Variants in VPS13B observed in about 807,000 individuals in gnomAD.
The protein encoded by VPS13B is vacuolar protein sorting 13 homolog B, also known as intermembrane lipid transfer protein VPS13B.
Under a neutral mutation model 426.4 loss-of-function variants are expected in VPS13B, and 285 were observed. That is an observed-to-expected ratio of 0.67 (90% CI 0.61 to 0.74). The LOEUF (loss-of-function observed/expected upper bound fraction) is 0.74, where lower values mean the gene tolerates loss of function less well. Among genes scored for constraint, VPS13B ranks in the 30% least tolerant of loss-of-function variants. The pLI, the probability that VPS13B is intolerant of heterozygous loss-of-function variation, is 0.00. For missense variants in VPS13B, 4,537 were observed against 4,782.6 expected, an observed-to-expected ratio of 0.95 and a Z score of 1.51; for synonymous variants, 1,676 against 1,676.4, an observed-to-expected ratio of 1.00 and a Z score of 0.01.
At position 99,153,470 on chromosome 8, in the gene VPS13B, T is replaced by C. The variant is rs547611558; in HGVS notation, c.2014-3079T>C. On this transcript the variant is annotated intron_variant, in intron 14 of 61. Transcript: ENST00000357162. ...CTCTCCTCTATTAACCTACCTGTTA[T>C]ACTTCTTTTTAGTGTTTGTCCTAGA... Among the ~76,000 whole-genome samples, 4 of 152,302 alleles carry C rather than the reference T, an allele frequency of 2.6e-5. No homozygotes were observed. In the East Asian group the frequency reaches 7.7e-4, roughly 29 times the overall value.
chr8:99,817,102 C>G (rs1306598402), intron 44 of VPS13B, among the ~76,000 whole-genome samples: 4 of 151,626 alleles, frequency 2.6e-5, no homozygotes, highest in East Asian at 3.9e-4. Context: ...CACCTCTGTT[C>G]TCCTTCATCC....
intron 41 of VPS13B, 119 bp downstream of exon 41, chr8:99,777,075 G>A: frequency 1.5e-6 from 2 of 1,303,718 alleles, no homozygotes; most frequent in East Asian, 2.3e-5. Context: ...TATAAAGCGA[G>A]CAGTGGCAAA....
chr8:99,730,273 A>G lies in VPS13B; in HGVS notation c.7050+9226A>G, dbSNP rs191906681. On this transcript the variant is annotated intron_variant, in intron 39 of 61. Transcript: ENST00000357162. ...GTTGAAATGCAGAAAGGAAAATAAA[A>G]AGGCCTGGGGGCTTTGGGGAAGTAG... Among the ~76,000 whole-genome samples, 12 of 152,320 alleles carry G rather than the reference A, an allele frequency of 7.9e-5. No homozygotes were observed. In the East Asian group the frequency reaches 2.1e-3, roughly 27 times the overall value.
In VPS13B at chr8:99,575,650, T is replaced by C; in HGVS notation, c.4950-8T>C. 6.2e-7 allele frequency: 1 copy of C among 1,613,820 alleles called. No individual in the cohort carries two copies. On this transcript the variant is annotated splice_polypyrimidine_tract_variant and splice_region_variant and intron_variant, in intron 31 of 61. Coordinates refer to ENST00000357162, the MANE Select transcript of VPS13B (RefSeq NM_152564.5). ...AAATGGCTAATAATCTTTTACTCTA[T>C]CTTTTAGCATACGGCGGCATCAAGA...
In VPS13B at chr8:99,253,154, G is replaced by C. The variant is rs145783985; in HGVS notation, c.2516-21044G>C. On this transcript the variant is annotated intron_variant, in intron 17 of 61. Coordinates refer to ENST00000357162, the MANE Select transcript of VPS13B (RefSeq NM_152564.5). ...TTTTTCAAAGTTTATTCTTGTTGTAGTATGTTTCAGTACTTCATTTCTTTT... is the reference window on the plus strand; with the variant it reads ...TTTTTCAAAGTTTATTCTTGTTGTACTATGTTTCAGTACTTCATTTCTTTT... 6.1e-3 allele frequency among the ~76,000 whole-genome samples: 932 copies of C among 152,094 alleles called. 8 individuals carry two copies. The highest frequency in any genetic ancestry group is 0.019 in the African/African-American group (799 of 41,494).
At chr8:99,285,331 C>A (rs1819373164) in intron 19 of VPS13B, among the ~76,000 whole-genome samples, 1 of 152,102 alleles carries the variant, frequency 6.6e-6, no homozygotes, top group Non-Finnish European at 1.5e-5. Context: ...ATCCCTTGAG[C>A]CTTAAGGGTA....
chr8:99,162,647 T>C (rs556476756), intron 15 of VPS13B, among the ~76,000 whole-genome samples: 1 of 152,236 alleles, frequency 6.6e-6, no homozygotes, highest in African/African-American at 2.4e-5. Context: ...CGTCTGGAGT[T>C]GTTCGTTCCT....
chr8:99,747,797 GT>G (rs938801015), intron 39 of VPS13B, among the ~76,000 whole-genome samples: 1 of 151,666 alleles, frequency 6.6e-6, no homozygotes, highest in Admixed American at 6.6e-5. Flanking sequence ...TCTTTCTGAG[GT>G]TTTTTGTTTT....
At chr8:99,456,798 G>A (rs1563740120) in intron 23 of VPS13B, among the ~76,000 whole-genome samples, 2 of 152,102 alleles carry the variant, frequency 1.3e-5, no homozygotes, top group Non-Finnish European at 2.9e-5. Context: ...TCAAGTTAAT[G>A]CTAGCCTCAA....
At position 99,365,302 on chromosome 8, in the gene VPS13B, C is replaced by G. The variant is rs1812798955; in HGVS notation, c.2825-18906C>G. ...TCTGATCTTTATTATTTCTTTTATTCTACTGATTTCAGATTTGCTTGCTCT... is the reference window on the plus strand; with the variant it reads ...TCTGATCTTTATTATTTCTTTTATTGTACTGATTTCAGATTTGCTTGCTCT... On this transcript the variant is annotated intron_variant, in intron 19 of 61. Coordinates refer to ENST00000357162, the MANE Select transcript of VPS13B (RefSeq NM_152564.5). 2.0e-5 allele frequency among the ~76,000 whole-genome samples: 3 copies of G among 150,564 alleles called. No homozygotes were observed. In the South Asian group the frequency reaches 6.3e-4, roughly 31 times the overall value.
intron 39 of VPS13B, among the ~76,000 whole-genome samples, chr8:99,758,032 T>G (rs898221630): frequency 6.6e-6 from 1 of 152,226 alleles, no homozygotes; most frequent in Non-Finnish European, 1.5e-5. Context: ...ACTCTTGGAA[T>G]AGTCATCTTT....
intron 17 of VPS13B, among the ~76,000 whole-genome samples, chr8:99,244,690 CTAAGAG>C (rs774226339): frequency 6.6e-6 from 1 of 152,152 alleles, no homozygotes; most frequent in Non-Finnish European, 1.5e-5. Flanking sequence ...TATAATAACA[CTAAGAG>C]TATTCATCAT....
chr8:99,640,090 A>C (rs1053089581), intron 33 of VPS13B, among the ~76,000 whole-genome samples: 1 of 149,690 alleles, frequency 6.7e-6, no homozygotes, highest in African/African-American at 2.4e-5. Flanking sequence ...AGAAAAGAAA[A>C]GAAAAGAAAA....
chr8:99,349,865 G>A (rs903742035), intron 19 of VPS13B, among the ~76,000 whole-genome samples: 1 of 152,038 alleles, frequency 6.6e-6, no homozygotes, highest in South Asian at 2.1e-4. Flanking sequence ...TAAGTCACTT[G>A]TTTTCGGTGG....
intron 33 of VPS13B, among the ~76,000 whole-genome samples, chr8:99,588,107 G>C (rs1050999745): frequency 4.0e-5 from 6 of 151,812 alleles, no homozygotes; most frequent in Admixed American, 1.3e-4. Flanking sequence ...GTTTTTGTCA[G>C]GTTTGTCAAA....
intron 19 of VPS13B, among the ~76,000 whole-genome samples, chr8:99,340,089 T>C (rs1314684012): frequency 1.3e-5 from 2 of 152,184 alleles, no homozygotes; most frequent in Non-Finnish European, 1.5e-5. Flanking sequence ...AAGTATCTTG[T>C]CAGAGCACTT....
chr8:99,206,732 T>G (rs1814746202), intron 17 of VPS13B, among the ~76,000 whole-genome samples: 1 of 152,170 alleles, frequency 6.6e-6, no homozygotes, highest in African/African-American at 2.4e-5. Context: ...TCTTCCCAGG[T>G]GTGCATATAA....
At chr8:99,272,213 AG>A (rs1253307221) in intron 17 of VPS13B, among the ~76,000 whole-genome samples, 1 of 152,188 alleles carries the variant, frequency 6.6e-6, no homozygotes, top group Non-Finnish European at 1.5e-5. Context: ...ATTTAACCAA[AG>A]TGTGGAAAGG....
chr8:99,342,495 G>A (rs1193483454), intron 19 of VPS13B, among the ~76,000 whole-genome samples: 1 of 151,708 alleles, frequency 6.6e-6, no homozygotes, highest in Non-Finnish European at 1.5e-5. Flanking sequence ...ATCATATGGT[G>A]TATCTTTCTG....
Sources: allele counts gnomAD v4.1 joint callset (sites outside exome capture counted in the v4.1 genomes callset), GRCh38; gene constraint gnomAD v4.1.1; transcripts MANE v1.5; gene names NCBI Gene and HGNC (gene_info 2026-07-23, HGNC 2026-07-21).